The following GPR158 variants were observed in gnomAD, a reference collection of about 807,000 sequenced individuals.
GPR158 encodes the protein metabotropic glycine receptor.
GPR158 carries 30 observed loss-of-function variants against 78.2 expected under a neutral mutation model. That is an observed-to-expected ratio of 0.38 (90% CI 0.29 to 0.52). GPR158 has a LOEUF of 0.52. Among genes scored for constraint, GPR158 ranks in the 20% least tolerant of loss-of-function variants. The pLI, the probability that GPR158 is intolerant of heterozygous loss-of-function variation, is 0.83. For missense variants in GPR158, 1,463 were observed against 1,523.5 expected (o/e 0.96, Z 0.66); for synonymous variants, 581 against 591.1 (o/e 0.98, Z 0.25).
At chr10:25,551,664 G>T (rs993694396) in intron 6 of GPR158, among the ~76,000 whole-genome samples, 7 of 152,126 alleles carry the variant, frequency 4.6e-5, no homozygotes, top group African/African-American at 1.7e-4. Flanking sequence ...GGGTGGGGCA[G>T]GGGAAGCAAC....
At chr10:25,596,548 G>C (rs1489462159) in intron 9 of GPR158, 95 bp from the exon 10 acceptor site, 1 of 778,154 alleles carries the variant, frequency 1.3e-6, no homozygotes, top group African/African-American at 1.8e-5. Context: ...TATAGATATA[G>C]ATACCTATAT....
At position 25,594,855 on chromosome 10, in the gene GPR158, G is replaced by T. The variant is rs191106081; in HGVS notation, c.1998+458G>T. ...ATAGATACTGACAAAGACTTGTCCA[G>T]GCAGCACCATGAAATGAGGAAAAAT... On this transcript the variant is annotated intron_variant, in intron 9 of 10. Transcript: ENST00000376351. 3.0e-3 allele frequency among the ~76,000 whole-genome samples: 461 copies of T among 152,168 alleles called. 3 individuals carry two copies. Among genetic ancestry groups the T allele is most frequent in the African/African-American group, 0.011 (437 of 41,520 alleles).
intron 4 of GPR158, among the ~76,000 whole-genome samples, chr10:25,465,290 A>G (rs767575842): frequency 6.6e-6 from 1 of 152,208 alleles, no homozygotes; most frequent in Admixed American, 6.5e-5. Context: ...TATTATATTT[A>G]GTGAAAACAC....
chr10:25,245,988 G>GTT (rs1194836363), intron 2 of GPR158, among the ~76,000 whole-genome samples: 7 of 152,172 alleles, frequency 4.6e-5, no homozygotes, highest in Admixed American at 2.0e-4. Context: ...GTTTGCTTCA[G>GTT]TTTATCCCAT....
intron 3 of GPR158, among the ~76,000 whole-genome samples, chr10:25,399,280 C>T (rs1822730099): frequency 6.6e-6 from 1 of 152,112 alleles, no homozygotes; most frequent in Non-Finnish European, 1.5e-5. Context: ...GCCCTTAACA[C>T]TTGGGGGATT....
chr10:25,533,731 C>T (rs1588901739), intron 5 of GPR158, among the ~76,000 whole-genome samples: 1 of 152,286 alleles, frequency 6.6e-6, no homozygotes, highest in East Asian at 1.9e-4. Flanking sequence ...TCTAAAACAT[C>T]CAGCCTCCAT....
chr10:25,279,115 G>A (rs1412142771), intron 2 of GPR158, among the ~76,000 whole-genome samples: 2 of 151,924 alleles, frequency 1.3e-5, no homozygotes, highest in Non-Finnish European at 2.9e-5. Context: ...AGTTGATTAG[G>A]CCTGAGCTCA....
At chr10:25,593,653 G>C (rs1210635750) in intron 8 of GPR158, among the ~76,000 whole-genome samples, 3 of 151,844 alleles carry the variant, frequency 2.0e-5, no homozygotes, top group African/African-American at 7.3e-5. Flanking sequence ...TCCTGCAGAG[G>C]CATACTGGAA....
At chr10:25,294,325 C>T (rs79116384) in intron 2 of GPR158, among the ~76,000 whole-genome samples, 3 of 151,734 alleles carry the variant, frequency 2.0e-5, no homozygotes, top group South Asian at 2.1e-4. Flanking sequence ...GAATTTCTAA[C>T]GAATATTAAA....
At chr10:25,321,820 G>A (rs993431733) in intron 2 of GPR158, among the ~76,000 whole-genome samples, 3 of 152,036 alleles carry the variant, frequency 2.0e-5, no homozygotes, top group Non-Finnish European at 4.4e-5. Context: ...TTACAATAAG[G>A]AGGATATAAC....
chr10:25,253,104 GACTCGGAAAGGGA>G (rs1271342859), intron 2 of GPR158, among the ~76,000 whole-genome samples: 1 of 152,180 alleles, frequency 6.6e-6, no homozygotes, highest in Non-Finnish European at 1.5e-5. Flanking sequence ...CCCTTTCTTT[GACTCGGAAAGGGA>G]ACTCCCTGAC....
At chr10:25,306,000 T>G (rs1251870143) in intron 2 of GPR158, among the ~76,000 whole-genome samples, 7 of 152,154 alleles carry the variant, frequency 4.6e-5, no homozygotes, top group Non-Finnish European at 4.4e-5. Flanking sequence ...TTGAAATGCC[T>G]CTTAGGATTT....
At chr10:25,507,242 G>T (rs1354367977) in intron 5 of GPR158, among the ~76,000 whole-genome samples, 12 of 152,160 alleles carry the variant, frequency 7.9e-5, no homozygotes, top group Non-Finnish European at 7.3e-5. Context: ...AAGTGGAATG[G>T]CAGTCTAATC....
At chr10:25,258,837 C>T (rs1375135994) in intron 2 of GPR158, among the ~76,000 whole-genome samples, 1 of 152,228 alleles carries the variant, frequency 6.6e-6, no homozygotes, top group East Asian at 1.9e-4. Context: ...TACTAATAGC[C>T]TACTATTGGC....
intron 1 of GPR158, among the ~76,000 whole-genome samples, chr10:25,201,415 T>C (rs1852927424): frequency 6.6e-6 from 1 of 152,168 alleles, no homozygotes; most frequent in South Asian, 2.1e-4. Flanking sequence ...TTACAGAGTT[T>C]TCTGGGTATA....
intron 6 of GPR158, among the ~76,000 whole-genome samples, chr10:25,553,877 T>C (rs976751501): frequency 1.3e-5 from 2 of 152,208 alleles, no homozygotes; most frequent in African/African-American, 4.8e-5. Context: ...ATTAGTTTTC[T>C]CATCCGTAAG....
intron 2 of GPR158, among the ~76,000 whole-genome samples, chr10:25,262,810 TGTATCTACCATTATA>T (rs1853986710): frequency 6.6e-6 from 1 of 152,228 alleles, no homozygotes; most frequent in Non-Finnish European, 1.5e-5. Flanking sequence ...TACAGTGATA[TGTATCTACCATTATA>T]GTATCATACA....
chr10:25,279,817 G>T (rs1216779086), intron 2 of GPR158, among the ~76,000 whole-genome samples: 1 of 152,082 alleles, frequency 6.6e-6, no homozygotes, highest in Non-Finnish European at 1.5e-5. Flanking sequence ...TGCTTACACA[G>T]TCTTTAATTT....
intron 2 of GPR158, among the ~76,000 whole-genome samples, chr10:25,306,839 A>G (rs2807251): frequency 0.09 from 13,673 of 152,116 alleles, 807 homozygotes; most frequent in South Asian, 0.17. Flanking sequence ...CACCTGGTCT[A>G]ATGACTTCTA....
Sources: gnomAD v4.1 joint callset for allele counts (sites outside exome capture counted in the v4.1 genomes callset) on GRCh38, gnomAD v4.1.1 for gene constraint, MANE v1.5 for transcripts, NCBI Gene and HGNC (gene_info 2026-07-23, HGNC 2026-07-21) for gene names.